The following NOL9 variants were observed in gnomAD, a reference collection of about 807,000 sequenced individuals.
The protein encoded by NOL9 is polynucleotide 5'-hydroxyl-kinase NOL9.
NOL9 carries 28 observed loss-of-function variants against 67.9 expected under a neutral mutation model. The ratio of observed to expected loss-of-function variants is 0.41; its 90% CI spans 0.31 to 0.57. The LOEUF (loss-of-function observed/expected upper bound fraction) is 0.57, where lower values mean the gene tolerates loss of function less well. Ranked by LOEUF, NOL9 falls within the 20% of genes least tolerant of loss-of-function variation. The pLI is 0.25. For synonymous variants in NOL9, 356 were observed against 352.2 expected (o/e 1.01, Z -0.12); for missense variants, 777 against 897.0 (o/e 0.87, Z 1.71).
At chr1:6,528,867 T>A (rs1438369935) in intron 10 of NOL9, 127 bp downstream of exon 10, 1 of 870,884 alleles carries the variant, frequency 1.1e-6, no homozygotes, top group Admixed American at 2.6e-5. Flanking sequence ...GCGTGCTATA[T>A]AGATGAGTGG....
intron 10 of NOL9, 135 bp downstream of exon 10, chr1:6,528,859 G>A (rs974585674): frequency 2.3e-5 from 18 of 771,786 alleles, no homozygotes; most frequent in Admixed American, 5.6e-5. Flanking sequence ...CCCCTAAGGC[G>A]TGCTATATAG....
intron 2 of NOL9, 91 bp from the exon 3 acceptor site, chr1:6,549,789 A>C: frequency 6.7e-7 from 1 of 1,499,984 alleles, no homozygotes. Context: ...TAAACTATAA[A>C]CATTAGGAGA....
chr1:6,531,218 T>G (rs1320753192), intron 9 of NOL9, among the ~76,000 whole-genome samples: 3 of 151,082 alleles, frequency 2.0e-5, no homozygotes, highest in Non-Finnish European at 4.4e-5. Flanking sequence ...AAGTACTTCT[T>G]TTTTTTTTCT....
chr1:6,543,297 G>A (rs1318416049), intron 5 of NOL9, among the ~76,000 whole-genome samples: 2 of 151,250 alleles, frequency 1.3e-5, no homozygotes, highest in Admixed American at 6.6e-5. Flanking sequence ...CCAGGTTCAC[G>A]CCATTCTCCT....
Position 6,523,309 on chromosome 1 carries a change from G to GT in NOL9, c.*2544dup, listed in dbSNP as rs569107453. On this transcript the variant is annotated 3_prime_UTR_variant, in exon 12 of 12. Coordinates refer to ENST00000377705, the MANE Select transcript of NOL9 (RefSeq NM_024654.5). ...AAGCCACTGCCACCAGCCGGGTGCGGTGGCTCATGCCTGTAATCCCAACAC... is the reference window on the plus strand; with the variant it reads ...AAGCCACTGCCACCAGCCGGGTGCGGTTGGCTCATGCCTGTAATCCCAACAC... The GT allele has an allele frequency of 4.3e-3, 660 of 152,270 alleles. 4 individuals are homozygous for GT. The highest frequency in any genetic ancestry group is 6.6e-3 in the Non-Finnish European group (448 of 68,120). 9.4% of individuals were successfully genotyped at this position (152,270 alleles called of 1,614,324 possible).
intron 6 of NOL9, among the ~76,000 whole-genome samples, chr1:6,539,013 G>C (rs1570060408): frequency 6.6e-6 from 1 of 152,070 alleles, no homozygotes. Flanking sequence ...AATATTCAAG[G>C]ACTGGAACAG....
chr1:6,532,102 G>T, intron 8 of NOL9, 23 bp from the exon 9 acceptor site: 1 of 1,572,066 alleles, frequency 6.4e-7, no homozygotes, highest in Non-Finnish European at 8.8e-7. Flanking sequence ...TCACAACAAG[G>T]TAAGTAGACA....
At chr1:6,543,218 CAG>C (rs35815163) in intron 5 of NOL9, among the ~76,000 whole-genome samples, 119,919 of 148,368 alleles carry the variant, frequency 0.81, 49,265 homozygotes, top group Non-Finnish European at 0.87. Flanking sequence ...TTTTTTGAGA[CAG>C]AGTCTTGCTC....
chr1:6,554,291 C>T lies in NOL9; in HGVS notation c.212G>A (p.Arg71His). ...DWREGARQVSRAAAARRPNTA... is the reference protein window; with the variant it reads ...DWREGARQVSHAAAARRPNTA... ...GTTGGGTCTCCGGGCCGCCGCCGCG[C>T]GCGACACCTGGCGGGCTCCCTCCCT... Residue 71 changes from arginine to histidine, a missense_variant, in exon 1 of 12, where the codon CGC (arginine) becomes CAC (histidine). Physicochemically the swap from Arg to His is conservative, Grantham distance 29. Around this residue, in one of 2 missense-constraint regions of NOL9, gnomAD observed 364 missense variants for 344.4 expected, o/e 1.06. Coordinates refer to ENST00000377705, the MANE Select transcript of NOL9 (RefSeq NM_024654.5). 6.8e-7 allele frequency: 1 copy of T among 1,474,674 alleles called. No individual in the cohort carries two copies. The highest frequency in any genetic ancestry group is 2.5e-5 in the Admixed American group (1 of 39,792). 91.3% of individuals were successfully genotyped at this position (1,474,674 alleles called of 1,614,324 possible).
chr1:6,529,422 C>G (rs1459720129), intron 9 of NOL9, among the ~76,000 whole-genome samples: 1 of 151,890 alleles, frequency 6.6e-6, no homozygotes, highest in African/African-American at 2.4e-5. Flanking sequence ...AACCTTGTCT[C>G]TACAAAAAAC....
chr1:6,534,982 T>C (rs1639117267), intron 6 of NOL9, among the ~76,000 whole-genome samples: 1 of 152,108 alleles, frequency 6.6e-6, no homozygotes, highest in African/African-American at 2.4e-5. Flanking sequence ...TTTTGGACTT[T>C]TTTAGTAGAG....
intron 1 of NOL9, among the ~76,000 whole-genome samples, chr1:6,552,416 T>C (rs1159444556): frequency 2.6e-5 from 4 of 152,204 alleles, no homozygotes; most frequent in Admixed American, 2.6e-4. Flanking sequence ...ATCTCATCCC[T>C]TTTTATGGCT....
chr1:6,526,297 T>C (rs1638882732), intron 11 of NOL9, among the ~76,000 whole-genome samples: 1 of 152,028 alleles, frequency 6.6e-6, no homozygotes, highest in South Asian at 2.1e-4. Context: ...ATGAGAATGG[T>C]AGGAATATCC....
chr1:6,545,913 G>A (rs1268621243), intron 3 of NOL9, among the ~76,000 whole-genome samples: 1 of 63,866 alleles, frequency 1.6e-5, no homozygotes. Context: ...GACTGTGTCT[G>A]TGTCTCAAAA....
Position 6,532,074 on chromosome 1 carries a change from G to C in NOL9, c.1541C>G (p.Ser514Ter). ...CAGATCTCGAAGAATTTTGTTATGT[G>C]ACTCTCTGAAAGGCAAATCACAACA... ...AFRITPRNRESHNKILRDLSI... is the reference protein window; with the variant it reads ...AFRITPRNRE Residue 514 changes from serine (S) to a stop codon, truncating the protein, a stop_gained, in exon 9 of 12, where the codon TCA (serine) becomes TGA (stop). Transcript: ENST00000377705. LOFTEE classifies it high-confidence loss of function. 1 of 1,613,350 alleles carries C rather than the reference G, an allele frequency of 6.2e-7. No individual in the cohort carries two copies. The highest frequency in any genetic ancestry group is 8.5e-7 in the Non-Finnish European group (1 of 1,179,282).
At chr1:6,544,680 G>A in intron 5 of NOL9, 146 bp downstream of exon 5, 1 of 765,024 alleles carries the variant, frequency 1.3e-6, no homozygotes, top group Non-Finnish European at 2.1e-6. Flanking sequence ...GCAGACGGCA[G>A]TGAGGACCAG....
At chr1:6,528,690 A>G (rs1638947413) in intron 10 of NOL9, among the ~76,000 whole-genome samples, 1 of 152,228 alleles carries the variant, frequency 6.6e-6, no homozygotes. Context: ...CAAAAAGGCA[A>G]CGCCTAAAAT....
rs1196743179 is a variant in NOL9 at position 6,521,991 on chromosome 1, C to G, written c.*3863G>C. 6.6e-6 allele frequency: 1 copy of G among 152,208 alleles called. No individual in the cohort carries two copies. The highest frequency in any genetic ancestry group is 2.4e-5 in the African/African-American group (1 of 41,458). 9.4% of individuals were successfully genotyped at this position (152,208 alleles called of 1,614,324 possible). A position where few individuals can be genotyped will look rare whatever the true frequency, so the allele number is the denominator to read the frequency against. ...ACAAGTGGTAGAGCCAGGATTTGAA[C>G]TCAGAGCTCTATAATCAAAGCCTGC... On this transcript the variant is annotated 3_prime_UTR_variant, in exon 12 of 12. Coordinates refer to ENST00000377705, the MANE Select transcript of NOL9 (RefSeq NM_024654.5).
At position 6,533,431 on chromosome 1, in the gene NOL9, G is replaced by C. The variant is rs1372523919; in HGVS notation, c.1086C>G (p.Phe362Leu). 2 of 1,590,378 alleles carry C rather than the reference G, an allele frequency of 1.3e-6. No homozygotes were observed. Among genetic ancestry groups the C allele is most frequent in the Non-Finnish European group, 1.7e-6 (2 of 1,166,216 alleles). Residue 362 changes from phenylalanine to leucine, a missense_variant, in exon 7 of 12, where the codon TTC (phenylalanine) becomes TTG (leucine). Coordinates refer to ENST00000377705, the MANE Select transcript of NOL9 (RefSeq NM_024654.5). ...TCTTCTGTGGAGTCCTCAGGTGAGTGAAAGGTGGTCCTAAAAAGATAAAGA... is the reference window on the plus strand; with the variant it reads ...TCTTCTGTGGAGTCCTCAGGTGAGTCAAAGGTGGTCCTAAAAAGATAAAGA... ...NITEPVLGPPFTHLRTPQKMV... is the reference protein window; with the variant it reads ...NITEPVLGPPLTHLRTPQKMV...
Sources: allele counts gnomAD v4.1 joint callset (sites outside exome capture counted in the v4.1 genomes callset), GRCh38; gene constraint gnomAD v4.1.1; regional missense constraint gnomAD v4.1.1; transcripts MANE v1.5; gene names NCBI Gene and HGNC (gene_info 2026-07-23, HGNC 2026-07-21).